The following INTS7 variants were observed in gnomAD, a reference collection of about 807,000 sequenced individuals.
The protein encoded by INTS7 is integrator complex subunit 7.
A neutral mutation model predicts 109.2 loss-of-function variants in INTS7; 46 were observed. That is an observed-to-expected ratio of 0.42 (90% CI 0.33 to 0.54). INTS7 has a LOEUF of 0.54. Among genes scored for constraint, INTS7 ranks in the 20% least tolerant of loss-of-function variants. The pLI is 0.07. For synonymous variants in INTS7, 412 were observed against 402.9 expected (o/e 1.02, Z -0.27); for missense variants, 929 against 1,132.4 (o/e 0.82, Z 2.58).
chr1:211,967,210 C>T (rs569819092), intron 15 of INTS7, among the ~76,000 whole-genome samples: 24 of 152,026 alleles, frequency 1.6e-4, no homozygotes, highest in South Asian at 1.5e-3. Flanking sequence ...CGTGTATAAT[C>T]CCAGCACTTT....
intron 10 of INTS7, among the ~76,000 whole-genome samples, 156 bp from the exon 11 acceptor site, chr1:211,978,667 C>T (rs1664526706): frequency 6.6e-6 from 1 of 152,100 alleles, no homozygotes; most frequent in Non-Finnish European, 1.5e-5. Context: ...TACTGAATCT[C>T]ACATTAGGGT....
At chr1:211,966,259 G>C in intron 16 of INTS7, 171 bp downstream of exon 16, 2 of 439,098 alleles carry the variant, frequency 4.6e-6, no homozygotes, top group Middle Eastern at 5.9e-4. Context: ...GGAGGCAGGA[G>C]GTAAATCTAT....
chr1:211,968,813 A>G, intron 13 of INTS7, 106 bp from the exon 14 acceptor site: 1 of 711,374 alleles, frequency 1.4e-6, no homozygotes, highest in Non-Finnish European at 2.2e-6. Context: ...GTAGTTCTCT[A>G]AAAACACTGA....
At position 211,961,617 on chromosome 1, in the gene INTS7, C is replaced by T. The variant is rs141496414; in HGVS notation, c.2183+4813G>A. On this transcript the variant is annotated intron_variant, in intron 16 of 19. Coordinates refer to ENST00000366994, the MANE Select transcript of INTS7 (RefSeq NM_015434.4). ...GCTAATTTTGTATTTTTAGTAGAGACGGGGTTTTACCATGTTGGCCAGGCT... is the reference window on the plus strand; with the variant it reads ...GCTAATTTTGTATTTTTAGTAGAGATGGGGTTTTACCATGTTGGCCAGGCT... Among the ~76,000 whole-genome samples the T allele has an allele frequency of 5.5e-3, 832 of 151,854 alleles. 4 individuals carry two copies. The highest frequency in any genetic ancestry group is 0.019 in the African/African-American group (780 of 41,376).
At chr1:211,993,510 T>C (rs561526946) in intron 7 of INTS7, among the ~76,000 whole-genome samples, 3,017 of 151,936 alleles carry the variant, frequency 0.02, 31 homozygotes, top group African/African-American at 0.025. Flanking sequence ...TGAAACTCTG[T>C]CTCTACTAAA....
At chr1:211,999,732 G>A (rs556712831) in intron 7 of INTS7, among the ~76,000 whole-genome samples, 7 of 152,028 alleles carry the variant, frequency 4.6e-5, no homozygotes, top group East Asian at 3.9e-4. Context: ...ATTATTAAAC[G>A]GAAAAAATAA....
intron 1 of INTS7, among the ~76,000 whole-genome samples, chr1:212,024,634 G>A (rs1180513375): frequency 6.6e-6 from 1 of 152,174 alleles, no homozygotes; most frequent in Non-Finnish European, 1.5e-5. Flanking sequence ...ACTAGTGGAT[G>A]AATAAACAAA....
At chr1:211,944,421 T>C (rs549704038) in intron 19 of INTS7, among the ~76,000 whole-genome samples, 73 of 152,290 alleles carry the variant, frequency 4.8e-4, no homozygotes, top group African/African-American at 1.4e-3. Context: ...CTGCCATAAA[T>C]TTTATAGGGG....
intron 13 of INTS7, among the ~76,000 whole-genome samples, chr1:211,974,270 A>ATATATATATATAT (rs1664306386): frequency 2.9e-5 from 3 of 101,920 alleles, no homozygotes; most frequent in African/African-American, 7.4e-5. Flanking sequence ...CTTCCCAGAA[A>ATATATATATATAT]AAAAAAATAT....
At chr1:211,971,915 C>CAAAAAAAAAAAAAAAAAAA (rs745814699) in intron 13 of INTS7, among the ~76,000 whole-genome samples, 2 of 79,818 alleles carry the variant, frequency 2.5e-5, no homozygotes, top group Non-Finnish European at 4.7e-5. Flanking sequence ...AACTCAGTCT[C>CAAAAAAAAAAAAAAAAAAA]AAAAAAAAAA....
At chr1:212,009,237 TTC>T (rs1360384158) in intron 5 of INTS7, among the ~76,000 whole-genome samples, 2 of 152,220 alleles carry the variant, frequency 1.3e-5, no homozygotes, top group African/African-American at 4.8e-5. Context: ...CTAATTCCTG[TTC>T]TTTCAGATTT....
intron 5 of INTS7, 61 bp downstream of exon 5, chr1:212,011,312 AGT>A (rs1666158027): frequency 2.4e-6 from 2 of 819,770 alleles, no homozygotes; most frequent in African/African-American, 1.7e-5. Flanking sequence ...GTACTTAATT[AGT>A]GTTAGCAACT....
intron 4 of INTS7, among the ~76,000 whole-genome samples, chr1:212,013,656 G>A (rs752311161): frequency 2.0e-5 from 3 of 152,144 alleles, no homozygotes; most frequent in Non-Finnish European, 4.4e-5. Flanking sequence ...TCCATTCATG[G>A]TAAGTGCCCT....
chr1:211,988,552 T>C (rs1013990579), intron 7 of INTS7, among the ~76,000 whole-genome samples: 6 of 152,142 alleles, frequency 3.9e-5, no homozygotes, highest in African/African-American at 1.2e-4. Flanking sequence ...TAAAGAATTA[T>C]GAATAAAGAA....
At position 212,005,059 on chromosome 1, in the gene INTS7, G is replaced by A. The variant is rs191373911; in HGVS notation, c.879+1580C>T. On this transcript the variant is annotated intron_variant, in intron 7 of 19. Transcript: ENST00000366994. Reference sequence around the variant, plus strand: ...AGGTATACACTCTAAAGAAATTTGCGTGTGTGAACTGGGAGACAAACAGAA... The same window carrying A: ...AGGTATACACTCTAAAGAAATTTGCATGTGTGAACTGGGAGACAAACAGAA... 5.3e-3 allele frequency among the ~76,000 whole-genome samples: 804 copies of A among 152,200 alleles called. 3 individuals are homozygous for A. Among genetic ancestry groups the A allele is most frequent in the Non-Finnish European group, 8.2e-3 (561 of 68,016 alleles).
intron 16 of INTS7, among the ~76,000 whole-genome samples, chr1:211,956,826 A>C (rs567429373): frequency 6.6e-6 from 1 of 152,320 alleles, no homozygotes; most frequent in Admixed American, 6.5e-5. Context: ...TTTATCCATT[A>C]GCCTACTGAG....
chr1:211,944,474 A>C (rs540657250), intron 19 of INTS7, among the ~76,000 whole-genome samples: 2 of 152,152 alleles, frequency 1.3e-5, no homozygotes, highest in Non-Finnish European at 2.9e-5. Context: ...GAAAAAATCC[A>C]ATTCAGGGGT....
chr1:211,975,130 A>T (rs1297338982), intron 13 of INTS7, 36 bp downstream of exon 13: 9 of 1,442,694 alleles, frequency 6.2e-6, no homozygotes, highest in Non-Finnish European at 8.8e-6. Context: ...CTCTCACATA[A>T]ATCATCACCA....
chr1:212,012,680 T>C (rs1432208464), intron 4 of INTS7, among the ~76,000 whole-genome samples: 1 of 152,210 alleles, frequency 6.6e-6, no homozygotes, highest in East Asian at 1.9e-4. Context: ...TGTTTCTACA[T>C]AAACTGCTAA....
Sources: gnomAD v4.1 joint callset for allele counts (sites outside exome capture counted in the v4.1 genomes callset) on GRCh38, gnomAD v4.1.1 for gene constraint, MANE v1.5 for transcripts, NCBI Gene and HGNC (gene_info 2026-07-23, HGNC 2026-07-21) for gene names.